Variants in NHSL2 observed in about 807,000 individuals in gnomAD.
The protein encoded by NHSL2 is NHS-like protein 2.
NHSL2 carries 27 observed loss-of-function variants against 53.4 expected under a neutral mutation model. The observed-to-expected ratio is 0.51, with a 90% CI of 0.37 to 0.70. NHSL2 has a LOEUF of 0.70. Among genes scored for constraint, NHSL2 ranks in the 30% least tolerant of loss-of-function variants. The pLI, the probability that NHSL2 is intolerant of heterozygous loss-of-function variation, is 0.00. For synonymous variants in NHSL2, 408 were observed against 404.1 expected, an observed-to-expected ratio of 1.01 and a Z score of -0.12; for missense variants, 892 against 980.1, an observed-to-expected ratio of 0.91 and a Z score of 1.20.
At chrX:72,003,995 A>T (rs1005855758) in intron 1 of NHSL2, among the ~76,000 whole-genome samples, 1 of 111,911 alleles carries the variant, frequency 8.9e-6, no homozygotes, top group Non-Finnish European at 1.9e-5. Flanking sequence ...AGGCATTATT[A>T]TCAGGGGCAG....
intron 1 of NHSL2, among the ~76,000 whole-genome samples, chrX:72,075,610 C>G (rs892943732): frequency 1.8e-5 from 2 of 112,239 alleles, no homozygotes; most frequent in African/African-American, 6.5e-5. Flanking sequence ...CTCTTGGATT[C>G]TCAGCTAGAC....
At chrX:71,964,037 A>G (rs1351469033) in intron 1 of NHSL2, among the ~76,000 whole-genome samples, 8 of 40,344 alleles carry the variant, frequency 2.0e-4, no homozygotes, top group East Asian at 7.1e-4. Flanking sequence ...GTATATATAT[A>G]TATATGTATA....
intron 1 of NHSL2, among the ~76,000 whole-genome samples, chrX:72,061,820 C>T (rs905785486): frequency 2.7e-5 from 3 of 112,189 alleles, no homozygotes; most frequent in African/African-American, 9.7e-5. Context: ...GTTCCCTCTG[C>T]CAGCTCCTTC....
chrX:72,140,341 C>T lies in NHSL2; in HGVS notation c.2793C>T (p.Ser931=). The change falls in exon 6 of 8, where the codon AGC becomes AGT. Residue 931 remains serine, a synonymous_variant. Transcript: ENST00000633930. ...YTVVRKPKPS[S]FPDGRSPGES... is the part of the protein sequence containing the mutation. Reference sequence around the variant, plus strand: ...TAGTGCGGAAACCAAAGCCCTCCAGCTTCCCAGATGGCAGAAGCCCAGGGG... The same window carrying T: ...TAGTGCGGAAACCAAAGCCCTCCAGTTTCCCAGATGGCAGAAGCCCAGGGG... The T allele has an allele frequency of 8.3e-7, 1 of 1,211,389 alleles. No homozygotes were observed. Among genetic ancestry groups the T allele is most frequent in the Non-Finnish European group, 1.1e-6 (1 of 895,047 alleles).
chrX:72,087,029 C>G (rs2041854073), intron 1 of NHSL2, among the ~76,000 whole-genome samples: 1 of 111,732 alleles, frequency 8.9e-6, no homozygotes, highest in Non-Finnish European at 1.9e-5. Context: ...GAAGGCTGGG[C>G]TGGGGGTCAT....
chrX:71,969,488 T>C (rs896014482), intron 1 of NHSL2, among the ~76,000 whole-genome samples: 3 of 110,650 alleles, frequency 2.7e-5, no homozygotes, highest in Non-Finnish European at 5.7e-5. Flanking sequence ...AATTTTTGTA[T>C]TTTTAGTAGA....
At position 72,008,232 on chromosome X, in the gene NHSL2, G is replaced by A. The variant is rs905805123; in HGVS notation, c.280+96865G>A. Among the ~76,000 whole-genome samples the A allele has an allele frequency of 1.1e-4, 12 of 112,817 alleles. No individual in the cohort carries two copies. The South Asian group carries it at 4.4e-3, about 41-fold the overall frequency. ...TGCCCACACTCTGTTCTGACTGACT[G>A]TGTGACCCACGTCCCTATCTGCTCA... On this transcript the variant is annotated intron_variant, in intron 1 of 7. Transcript: ENST00000633930.
intron 1 of NHSL2, among the ~76,000 whole-genome samples, chrX:72,039,395 T>A (rs2042261240): frequency 8.9e-6 from 1 of 111,780 alleles, no homozygotes. Context: ...CATTTTCCAG[T>A]TGTTAGACAT....
chrX:72,121,489 G>A (rs1004118190), intron 1 of NHSL2, among the ~76,000 whole-genome samples: 8 of 112,125 alleles, frequency 7.1e-5, no homozygotes, highest in Non-Finnish European at 1.5e-4. Flanking sequence ...TTTGGGATGA[G>A]TATGTAGTGA....
At chrX:72,124,764 G>A (rs753275425) in intron 1 of NHSL2, among the ~76,000 whole-genome samples, 3 of 112,010 alleles carry the variant, frequency 2.7e-5, no homozygotes, top group South Asian at 3.7e-4. Context: ...CAGAATGAAC[G>A]TGGGGAAGTC....
chrX:71,972,866 T>TTTTG (rs1556315130), intron 1 of NHSL2, among the ~76,000 whole-genome samples: 132 of 93,809 alleles, frequency 1.4e-3, no homozygotes, highest in Non-Finnish European at 2.4e-3. Flanking sequence ...ATCTTTATTG[T>TTTTG]TGTGTGTGTG....
At chrX:72,124,910 G>A (rs73565818) in intron 1 of NHSL2, among the ~76,000 whole-genome samples, 13,231 of 110,773 alleles carry the variant, frequency 0.12, 742 homozygotes, top group South Asian at 0.22. Context: ...TTATTCTGAT[G>A]TTTTCTTACT....
intron 1 of NHSL2, among the ~76,000 whole-genome samples, chrX:71,920,783 C>T (rs777024877): frequency 9.2e-6 from 1 of 108,979 alleles, no homozygotes; most frequent in Non-Finnish European, 1.9e-5. Flanking sequence ...AGTAATAATG[C>T]GAGGTTAGGT....
At chrX:71,914,409 G>T (rs749303369) in intron 1 of NHSL2, among the ~76,000 whole-genome samples, 1 of 112,319 alleles carries the variant, frequency 8.9e-6, no homozygotes, top group Non-Finnish European at 1.9e-5. Flanking sequence ...GGCCATCCGC[G>T]TAGGGATATA....
chrX:72,122,495 A>G (rs2042189098), intron 1 of NHSL2, among the ~76,000 whole-genome samples: 2 of 112,687 alleles, frequency 1.8e-5, no homozygotes, highest in South Asian at 3.6e-4. Context: ...GCTGGTTTAT[A>G]TCAATCATCT....
Position 72,150,016 on chromosome X carries a change from A to T in NHSL2, c.*6442A>T, listed in dbSNP as rs1246700055. 1 of 112,839 alleles carries T rather than the reference A, an allele frequency of 8.9e-6. No homozygotes were observed. The highest frequency in any genetic ancestry group is 1.9e-5 in the Non-Finnish European group (1 of 53,373). 9.3% of individuals were successfully genotyped at this position (112,839 alleles called of 1,213,427 possible). A position where few individuals can be genotyped will look rare whatever the true frequency, so the allele number is the denominator to read the frequency against. ...GCACTACAATTTATAGAAGACCCAC[A>T]GCTGGCTTCTACTTTTATGACACAT... On this transcript the variant is annotated 3_prime_UTR_variant, in exon 8 of 8. Coordinates refer to ENST00000633930, the MANE Select transcript of NHSL2 (RefSeq NM_001013627.3).
chrX:71,917,019 A>G (rs2041631628), intron 1 of NHSL2, among the ~76,000 whole-genome samples: 1 of 111,897 alleles, frequency 8.9e-6, no homozygotes, highest in South Asian at 3.8e-4. Flanking sequence ...GAACTCCACA[A>G]TTTCACTCAA....
intron 1 of NHSL2, among the ~76,000 whole-genome samples, chrX:72,053,470 G>A (rs1443177112): frequency 8.9e-6 from 1 of 111,807 alleles, no homozygotes; most frequent in African/African-American, 3.3e-5. Flanking sequence ...TTACTTGAAT[G>A]CTTGCATATT....
At chrX:71,923,674 G>T (rs2041670913) in intron 1 of NHSL2, among the ~76,000 whole-genome samples, 1 of 111,768 alleles carries the variant, frequency 8.9e-6, no homozygotes, top group African/African-American at 3.3e-5. Context: ...GTCCCTGCTG[G>T]CAGAGCTACT....
Sources: allele counts gnomAD v4.1 joint callset (sites outside exome capture counted in the v4.1 genomes callset), GRCh38; gene constraint gnomAD v4.1.1; transcripts MANE v1.5; gene names NCBI Gene and HGNC (gene_info 2026-07-23, HGNC 2026-07-21).